THUMPD3: variants seen among roughly 807,000 people sequenced by gnomAD.
The protein encoded by THUMPD3 is THUMP domain 3 tRNA guanosine methyltransferase.
THUMPD3 carries 44 observed loss-of-function variants against 54.5 expected under a neutral mutation model. The observed-to-expected ratio is 0.81, with a 90% CI of 0.63 to 1.04. The LOEUF is 1.04. Among genes scored for constraint, THUMPD3 ranks in the 50% least tolerant of loss-of-function variants. THUMPD3 has a pLI of 0.00. For synonymous variants in THUMPD3, 196 were observed against 201.4 expected (o/e 0.97, Z 0.23); for missense variants, 604 against 601.3 (o/e 1.00, Z -0.05).
intron 5 of THUMPD3, among the ~76,000 whole-genome samples, chr3:9,377,203 C>CGTGTGT (rs137922488): frequency 6.7e-6 from 1 of 148,728 alleles, no homozygotes; most frequent in Non-Finnish European, 1.5e-5. Flanking sequence ...TATGCATGAG[C>CGTGTGT]GTGTGTGTGT....
chr3:9,382,624 C>G (rs983527506), intron 7 of THUMPD3, among the ~76,000 whole-genome samples: 23 of 152,198 alleles, frequency 1.5e-4, no homozygotes, highest in African/African-American at 5.6e-4. Flanking sequence ...TATGTTTTAT[C>G]AGCAACTTAA....
At chr3:9,382,389 C>G (rs904286741) in intron 7 of THUMPD3, among the ~76,000 whole-genome samples, 2 of 151,904 alleles carry the variant, frequency 1.3e-5, no homozygotes, top group African/African-American at 4.8e-5. Flanking sequence ...TTCATTCTGT[C>G]TTCTGTCATC....
rs1475976755 is a variant in THUMPD3 at position 9,386,389 on chromosome 3, C to G, written c.*1701C>G. The G allele has an allele frequency of 3.4e-5, 5 of 145,054 alleles. No homozygotes were observed. Among genetic ancestry groups the G allele is most frequent in the African/African-American group, 1.3e-4 (5 of 39,404 alleles). 9.0% of individuals were successfully genotyped at this position (145,054 alleles called of 1,614,324 possible). A position where few individuals can be genotyped will look rare whatever the true frequency, so the allele number is the denominator to read the frequency against. ...TGTCTTTCCCCACCCCCCCACCCCC[C>G]ACTCCACCCCCCACTAAGGGCAGGG... On this transcript the variant is annotated 3_prime_UTR_variant, in exon 10 of 10. Transcript: ENST00000452837.
rs974306283 is a variant in THUMPD3, at chr3:9,386,597, T to C, written c.*1909T>C. On this transcript the variant is annotated 3_prime_UTR_variant, in exon 10 of 10. Coordinates refer to ENST00000452837, the MANE Select transcript of THUMPD3 (RefSeq NM_001114092.2). ...GGCAATAGTTTGCCGTCTTCTTCCCTAGTATGGTGTTTTTCAATCTGGTGA... is the reference window on the plus strand; with the variant it reads ...GGCAATAGTTTGCCGTCTTCTTCCCCAGTATGGTGTTTTTCAATCTGGTGA... The C allele has an allele frequency of 5.3e-5, 8 of 152,158 alleles. No homozygotes were observed. Among genetic ancestry groups the C allele is most frequent in the Admixed American group, 2.6e-4 (4 of 15,278 alleles). 9.4% of individuals were successfully genotyped at this position (152,158 alleles called of 1,614,324 possible).
intron 9 of THUMPD3, 57 bp from the exon 10 acceptor site, chr3:9,384,467 T>C: frequency 1.2e-6 from 2 of 1,610,008 alleles, no homozygotes; most frequent in South Asian, 2.2e-5. Context: ...TTAAGAATCC[T>C]AGTTGATGTA....
intron 4 of THUMPD3, 48 bp downstream of exon 4, chr3:9,371,584 T>A (rs945639936): frequency 6.8e-7 from 1 of 1,480,162 alleles, no homozygotes; most frequent in Non-Finnish European, 9.2e-7. Context: ...TGTCACAGAT[T>A]TGTAGAATTT....
At chr3:9,384,144 T>G (rs756599630) in intron 8 of THUMPD3, 68 bp from the exon 9 acceptor site, 1 of 1,538,672 alleles carries the variant, frequency 6.5e-7, no homozygotes, top group Non-Finnish European at 8.8e-7. Context: ...GAAACTGTTT[T>G]TGTTTCATAT....
rs1462610501 is a variant in THUMPD3, at chr3:9,371,451, C to A, written c.722C>A (p.Thr241Asn). ...AGGGCAGGAGAGAAACATTGCTTTA[C>A]CTCAAATGAGGCTGCAAGAGATTTT... is the stretch of plus-strand genomic sequence containing the variant. ...CNRAGEKHCF[T>N]SNEAARDFGG... The change falls in exon 4 of 10, where the codon ACC becomes AAC. Residue 241 changes from threonine to asparagine, a missense_variant. Thr to Asn is a moderately conservative substitution (Grantham distance 65). Coordinates refer to ENST00000452837, the MANE Select transcript of THUMPD3 (RefSeq NM_001114092.2). 1 of 1,614,168 alleles carries A rather than the reference C, an allele frequency of 6.2e-7. No individual in the cohort carries two copies. Among genetic ancestry groups the A allele is most frequent in the Non-Finnish European group, 8.5e-7 (1 of 1,180,028 alleles).
intron 7 of THUMPD3, among the ~76,000 whole-genome samples, chr3:9,382,032 C>T (rs1341622633): frequency 1.3e-5 from 2 of 151,902 alleles, no homozygotes; most frequent in African/African-American, 4.8e-5. Flanking sequence ...ATCTGCCCAC[C>T]TTGGCCTCCC....
chr3:9,379,944 C>T (rs1398078523), intron 6 of THUMPD3, among the ~76,000 whole-genome samples: 1 of 152,176 alleles, frequency 6.6e-6, no homozygotes, highest in African/African-American at 2.4e-5. Flanking sequence ...CCTGCCTCAG[C>T]TTCCCAAAGT....
chr3:9,376,532 C>A (rs1252533017), intron 5 of THUMPD3, among the ~76,000 whole-genome samples: 2 of 152,168 alleles, frequency 1.3e-5, no homozygotes, highest in Admixed American at 6.5e-5. Flanking sequence ...GTGCTTACCC[C>A]CTCAAGAGGG....
chr3:9,383,164 C>T, intron 7 of THUMPD3, 35 bp from the exon 8 acceptor site: 1 of 1,418,424 alleles, frequency 7.1e-7, no homozygotes, highest in Non-Finnish European at 1.0e-6. Context: ...TTATGCTTCA[C>T]AGTATGTTGA....
intron 1 of THUMPD3, chr3:9,363,417 T>G (rs147953076): frequency 2.6e-5 from 4 of 152,360 alleles, no homozygotes; most frequent in African/African-American, 9.6e-5. Context: ...GCTGCATTTT[T>G]TAGAAGATGG....
intron 5 of THUMPD3, among the ~76,000 whole-genome samples, chr3:9,376,491 C>G (rs979852050): frequency 5.3e-5 from 8 of 152,172 alleles, no homozygotes; most frequent in African/African-American, 1.9e-4. Flanking sequence ...GATATTCACC[C>G]CTGACCATCA....
At chr3:9,371,776 G>C (rs1401346704) in intron 4 of THUMPD3, among the ~76,000 whole-genome samples, 4 of 152,212 alleles carry the variant, frequency 2.6e-5, no homozygotes, top group African/African-American at 9.7e-5. Context: ...TACCTTTAAG[G>C]TTATCCTGAA....
At chr3:9,369,754 C>A (rs372389491) in intron 3 of THUMPD3, among the ~76,000 whole-genome samples, 2 of 152,202 alleles carry the variant, frequency 1.3e-5, no homozygotes, top group East Asian at 1.9e-4. Context: ...AATTCTTGTA[C>A]ATATTCAAAC....
chr3:9,384,458 T>TA (rs2033181637), intron 9 of THUMPD3, 66 bp from the exon 10 acceptor site: 2 of 1,606,884 alleles, frequency 1.2e-6, no homozygotes, highest in East Asian at 4.5e-5. Flanking sequence ...TCTTGGCAGT[T>TA]AAGAATCCTA....
Position 9,371,433 on chromosome 3 carries a change from G to A in THUMPD3, c.704G>A (p.Gly235Glu), listed in dbSNP as rs1275794087. Reference protein sequence around the residue: ...LKFRVTCNRAGEKHCFTSNEA... With the variant: ...LKFRVTCNRAEEKHCFTSNEA... ...TTTAGAGTCACATGCAACAGGGCAG[G>A]AGAGAAACATTGCTTTACCTCAAAT... The change falls in exon 4 of 10, where the codon GGA becomes GAA. Residue 235 changes from glycine (G) to glutamate (E), a missense_variant. Transcript: ENST00000452837. The A allele has an allele frequency of 6.2e-7, 1 of 1,614,194 alleles. No homozygotes were observed. Among genetic ancestry groups the A allele is most frequent in the Non-Finnish European group, 8.5e-7 (1 of 1,180,032 alleles).
Position 9,385,639 on chromosome 3 carries a change from A to G in THUMPD3, c.*951A>G, listed in dbSNP as rs2033280406. 1 of 152,260 alleles carries G rather than the reference A, an allele frequency of 6.6e-6. No homozygotes were observed. Among genetic ancestry groups the G allele is most frequent in the South Asian group, 2.1e-4 (1 of 4,836 alleles). The allele number at this position is 152,260 out of a possible 1,614,324, so 9.4% of individuals were successfully genotyped here. On this transcript the variant is annotated 3_prime_UTR_variant, in exon 10 of 10. Transcript: ENST00000452837. The stretch of plus-strand genomic sequence containing the variant: ...TATAGAACTTATTTGTAAATAGCAC[A>G]TACATTGATAGATGGGGTGTGGGAC...
Sources: gnomAD v4.1 joint callset for allele counts (sites outside exome capture counted in the v4.1 genomes callset) on GRCh38, gnomAD v4.1.1 for gene constraint, MANE v1.5 for transcripts, NCBI Gene and HGNC (gene_info 2026-07-23, HGNC 2026-07-21) for gene names.